SCRIB: variants seen among roughly 807,000 people sequenced by gnomAD.
The protein encoded by SCRIB is protein scribble homolog.
Under a neutral mutation model 170.0 loss-of-function variants are expected in SCRIB, and 72 were observed. That is an observed-to-expected ratio of 0.42 (90% CI 0.35 to 0.52). The LOEUF (loss-of-function observed/expected upper bound fraction) is 0.52. SCRIB is among the 20% of genes least tolerant of loss of function. The pLI is 0.02. For synonymous variants in SCRIB, 1,298 were observed against 1,044.3 expected (o/e 1.24, Z -4.68); for missense variants, 2,475 against 2,338.5 (o/e 1.06, Z -1.20).
rs770358351 is a variant in SCRIB, at chr8:143,810,559, T to C, written c.1450A>G (p.Met484Val). The C allele has an allele frequency of 6.2e-7, 1 of 1,613,630 alleles. No individual in the cohort carries two copies. The highest frequency in any genetic ancestry group is 8.5e-7 in the Non-Finnish European group (1 of 1,179,972). Residue 484 changes from methionine (M) to valine (V), a missense_variant, in exon 13 of 37, where the codon ATG becomes GTG. Physicochemically the swap from Met to Val is conservative, Grantham distance 21. Around this residue, in one of 3 missense-constraint regions of SCRIB, gnomAD observed 1,966 missense variants for 1,742.9 expected, o/e 1.13. Coordinates refer to ENST00000356994, the MANE Select transcript of SCRIB (RefSeq NM_182706.5). ...CGCCGCCCCTCGATGCTCCTCTTCA[T>C]CACCTTGAGCTCGCTGGGGTGAGGT... is the stretch of plus-strand genomic sequence containing the variant. The part of the protein sequence containing the change: ...ATPHPSELKV[M>V]KRSIEGRRSE...
Position 143,803,427 on chromosome 8 carries a change from G to C in SCRIB, c.3559C>G (p.Leu1187Val), listed in dbSNP as rs142612681. The stretch of plus-strand genomic sequence containing the variant: ...CTGGCCTCAAAGCCGTCACAGACCA[G>C]CACGGTGAGGGTGTCGCCCACACTG... ...LRSVGDTLTV[L>V]VCDGFEASTD... The change falls in exon 24 of 37, where the codon CTG becomes GTG. Residue 1187 changes from leucine to valine, a missense_variant. Physicochemically the swap from Leu to Val is conservative, Grantham distance 32. This residue lies in a region of SCRIB where 1,966 missense variants were observed against 1,742.9 expected (regional missense o/e 1.13). Transcript: ENST00000356994. 5.1e-4 allele frequency: 821 copies of C among 1,595,360 alleles called. No homozygotes were observed. Among genetic ancestry groups the C allele is most frequent in the Middle Eastern group, 1.2e-3 (7 of 5,718 alleles).
At chr8:143,803,268 C>A in intron 24 of SCRIB, 115 bp downstream of exon 24, 2 of 1,025,196 alleles carry the variant, frequency 2.0e-6, no homozygotes, top group African/African-American at 3.3e-5. Flanking sequence ...CCGCAGAGCA[C>A]CGCCCAGACC....
chr8:143,797,068 G>A (rs1554634223), intron 24 of SCRIB, among the ~76,000 whole-genome samples: 1 of 152,136 alleles, frequency 6.6e-6, no homozygotes, highest in East Asian at 1.9e-4. Flanking sequence ...CCACTAAAAG[G>A]ATCCAGCGCT....
At chr8:143,814,606 G>A (rs1815952847) in intron 1 of SCRIB, among the ~76,000 whole-genome samples, 1 of 152,208 alleles carries the variant, frequency 6.6e-6, no homozygotes, top group African/African-American at 2.4e-5. Flanking sequence ...AGCTGTCACT[G>A]CCACGGCCAG....
chr8:143,795,632 C>T (rs1465739751), intron 24 of SCRIB, 102 bp from the exon 25 acceptor site: 3 of 1,011,726 alleles, frequency 3.0e-6, no homozygotes, highest in Non-Finnish European at 4.5e-6. Flanking sequence ...AACGGTGAGC[C>T]CAGGAGCCGC....
Position 143,795,327 on chromosome 8 carries a change from CCTT to C in SCRIB, c.3718_3720del (p.Lys1240del). The C allele has an allele frequency of 1.2e-6, 2 of 1,612,898 alleles. No homozygotes were observed. The highest frequency in any genetic ancestry group is 1.7e-6 in the Non-Finnish European group (2 of 1,179,888). ...CAGTGCAGGGTCTGTCCAGGCAGCT[CCTT>C]CTCCTGTGAGCAGAGCAGAGCAGAC... On this transcript the variant is annotated inframe_deletion, in exon 26 of 37. Coordinates refer to ENST00000356994, the MANE Select transcript of SCRIB (RefSeq NM_182706.5).
rs781929652 is a variant in SCRIB at position 143,792,283 on chromosome 8, G to A, written c.4451C>T (p.Ala1484Val). 2.6e-6 allele frequency: 4 copies of A among 1,565,666 alleles called. No homozygotes were observed. The highest frequency in any genetic ancestry group is 3.4e-6 in the Non-Finnish European group (4 of 1,163,206). Residue 1484 changes from alanine (A) to valine (V), a missense_variant, in exon 32 of 37, where the codon GCC (alanine) becomes GTC (valine). Ala to Val is a moderately conservative substitution (Grantham distance 64). Transcript: ENST00000356994. ...QSPEPPAPER[A>V]LSPAELRALE... ...GGCCCGGAGCTCGGCAGGGGACAGGGCACGCTCGGGTGCCGGTGGCTCCGG... is the reference window on the plus strand; with the variant it reads ...GGCCCGGAGCTCGGCAGGGGACAGGACACGCTCGGGTGCCGGTGGCTCCGG...
chr8:143,813,291 C>T lies in SCRIB; in HGVS notation c.567+20G>A, dbSNP rs768601135. The T allele has an allele frequency of 1.2e-6, 2 of 1,613,276 alleles. No individual in the cohort carries two copies. Among genetic ancestry groups the T allele is most frequent in the Non-Finnish European group, 1.7e-6 (2 of 1,179,898 alleles). ...CCGTGGCCCGCCCTCCGGTCTCTGC[C>T]CTGTCAGGCCTCCACGCACCAGCAC... On this transcript the variant is annotated intron_variant, in intron 6 of 36. Transcript: ENST00000356994.
chr8:143,804,024 C>G, intron 22 of SCRIB, 22 bp downstream of exon 22: 1 of 1,589,862 alleles, frequency 6.3e-7, no homozygotes, highest in East Asian at 2.3e-5. Flanking sequence ...TCTCACAGAA[C>G]CGCCTGGATG....
chr8:143,812,149 G>A (rs1008819104), intron 9 of SCRIB, 117 bp downstream of exon 9: 4 of 769,118 alleles, frequency 5.2e-6, no homozygotes, highest in Non-Finnish European at 9.5e-6. Context: ...CCCTTCCTGA[G>A]TGGCTCCACG....
Position 143,803,865 on chromosome 8 carries a change from C to G in SCRIB, c.3196G>C (p.Val1066Leu), listed in dbSNP as rs781807477. ...GCTTCTTGGTGCGTGGCATCCCGCA[C>G]GTCTTGCCCGTTCACTGCCAGGATG... ...DRILAVNGQDVRDATHQEAVS... is the reference protein window; with the variant it reads ...DRILAVNGQDLRDATHQEAVS... Residue 1066 changes from valine to leucine, a missense_variant, in exon 23 of 37, where the codon GTG becomes CTG. Val to Leu is a conservative substitution (Grantham distance 32). Transcript: ENST00000356994. 2 of 1,600,114 alleles carry G rather than the reference C, an allele frequency of 1.2e-6. No homozygotes were observed. Among genetic ancestry groups the G allele is most frequent in the South Asian group, 1.1e-5 (1 of 89,388 alleles).
intron 35 of SCRIB, 29 bp from the exon 36 acceptor site, chr8:143,791,469 G>C: frequency 6.2e-7 from 1 of 1,606,218 alleles, no homozygotes; most frequent in Non-Finnish European, 8.5e-7. Flanking sequence ...TGGTCAGGCC[G>C]GTGCCAGCCC....
rs1324764688 is a variant in SCRIB, at chr8:143,808,924, C to T, written c.1800G>A (p.Gln600=). ...EAPWTLPGGR[Q]RLIRKDTPHY... is the part of the protein sequence containing the mutation. ...GAGGTGTGTCCTTGCGGATGAGCCGCTGCCTCCCGCCTGGCAGGGTCCAGG... is the reference window on the plus strand; with the variant it reads ...GAGGTGTGTCCTTGCGGATGAGCCGTTGCCTCCCGCCTGGCAGGGTCCAGG... The change falls in exon 15 of 37, where the codon CAG becomes CAA. Residue 600 remains glutamine, a synonymous_variant. Coordinates refer to ENST00000356994, the MANE Select transcript of SCRIB (RefSeq NM_182706.5). 6.2e-7 allele frequency: 1 copy of T among 1,611,796 alleles called. No homozygotes were observed. The highest frequency in any genetic ancestry group is 1.1e-5 in the South Asian group (1 of 91,086).
intron 34 of SCRIB, 26 bp from the exon 35 acceptor site, chr8:143,791,766 G>A (rs782502837): frequency 3.5e-5 from 54 of 1,546,914 alleles, no homozygotes; most frequent in Middle Eastern, 1.7e-4. Flanking sequence ...TGAGGGGAGA[G>A]GCAGAGAGTG....
intron 15 of SCRIB, 56 bp downstream of exon 15, chr8:143,808,553 G>A: frequency 6.7e-7 from 1 of 1,486,210 alleles, no homozygotes; most frequent in South Asian, 1.5e-5. Context: ...CGCAGCCCTG[G>A]GTGCCCAGGA....
rs1372809529 is a variant in SCRIB, at chr8:143,815,699, G to A, written c.-327C>T. 1.0e-6 allele frequency: 1 copy of A among 983,534 alleles called. No individual in the cohort carries two copies. The highest frequency in any genetic ancestry group is 1.2e-6 in the Non-Finnish European group (1 of 829,252). The allele number at this position is 983,534 out of a possible 1,614,324, so 60.9% of individuals were successfully genotyped here. A position where few individuals can be genotyped will look rare whatever the true frequency, so the allele number is the denominator to read the frequency against. On this transcript the variant is annotated 5_prime_UTR_variant, in exon 1 of 37. Coordinates refer to ENST00000356994, the MANE Select transcript of SCRIB (RefSeq NM_182706.5). ...CTCGTCCGCCCGCTGTGCCGCACCG[G>A]AACCGCCGCTGCCCGCCGGACTGCC...
rs886507483 is a variant in SCRIB, at chr8:143,810,799, C to T, written c.1291G>A (p.Gly431Arg). Residue 431 changes from glycine (G) to arginine (R), a missense_variant, in exon 12 of 37, where the codon GGG becomes AGG. Gly to Arg is a moderately radical substitution (Grantham distance 125). Coordinates refer to ENST00000356994, the MANE Select transcript of SCRIB (RefSeq NM_182706.5). ...TCGCTCCAGGTCTCCGAGAGGCTCCCCTGCTGCCCAGCATCCTCTGCAGCA... is the reference window on the plus strand; with the variant it reads ...TCGCTCCAGGTCTCCGAGAGGCTCCTCTGCTGCCCAGCATCCTCTGCAGCA... ...PPSLEDAGQQGSLSETWSDAP... is the reference protein window; with the variant it reads ...PPSLEDAGQQRSLSETWSDAP... 2.5e-6 allele frequency: 4 copies of T among 1,602,316 alleles called. No individual in the cohort carries two copies. Among genetic ancestry groups the T allele is most frequent in the Non-Finnish European group, 1.7e-6 (2 of 1,176,910 alleles).
chr8:143,807,178 G>A (rs933630585), intron 16 of SCRIB, among the ~76,000 whole-genome samples, 165 bp from the exon 17 acceptor site: 1 of 152,250 alleles, frequency 6.6e-6, no homozygotes, highest in East Asian at 1.9e-4. Context: ...ACGCCAGCTG[G>A]AGAAGCCCCA....
At chr8:143,804,513 GCCAGTGC>G in intron 21 of SCRIB, 48 bp downstream of exon 21, 1 of 1,469,090 alleles carries the variant, frequency 6.8e-7, no homozygotes. Context: ...TCCTGGGAAG[GCCAGTGC>G]CCACAGCTGA....
Sources: gnomAD v4.1 joint callset for allele counts (sites outside exome capture counted in the v4.1 genomes callset) on GRCh38, gnomAD v4.1.1 for gene constraint, gnomAD v4.1.1 regional missense constraint, MANE v1.5 for transcripts, NCBI Gene and HGNC (gene_info 2026-07-23, HGNC 2026-07-21) for gene names.